GRIA4: variants seen among roughly 807,000 people sequenced by gnomAD.
GRIA4 encodes the protein glutamate ionotropic receptor AMPA type subunit 4.
In GRIA4, 34 loss-of-function variants were observed where a neutral mutation model predicts 104.0. The ratio of observed to expected loss-of-function variants is 0.33; its 90% CI spans 0.25 to 0.44. GRIA4 has a LOEUF of 0.44. GRIA4 is among the 20% of genes least tolerant of loss of function. The pLI, the probability that GRIA4 is intolerant of heterozygous loss-of-function variation, is 1.00. For synonymous variants in GRIA4, 386 were observed against 381.9 expected, an observed-to-expected ratio of 1.01 and a Z score of -0.13; for missense variants, 750 against 1,096.5, an observed-to-expected ratio of 0.68 and a Z score of 4.46.
chr11:105,823,622 T>C (rs540663740), intron 4 of GRIA4, among the ~76,000 whole-genome samples: 37 of 152,188 alleles, frequency 2.4e-4, no homozygotes, highest in Non-Finnish European at 4.9e-4. Context: ...AATTAAATGT[T>C]TCTAAGTCTT....
intron 3 of GRIA4, among the ~76,000 whole-genome samples, chr11:105,694,722 T>A (rs1295293480): frequency 6.6e-6 from 1 of 152,148 alleles, no homozygotes; most frequent in Non-Finnish European, 1.5e-5. Flanking sequence ...CAAACATAAA[T>A]GTTTTTTAGA....
intron 4 of GRIA4, among the ~76,000 whole-genome samples, chr11:105,860,566 T>C (rs192669396): frequency 6.6e-6 from 1 of 152,322 alleles, no homozygotes; most frequent in East Asian, 1.9e-4. Flanking sequence ...AGTGAAAATA[T>C]AACTGACTAA....
chr11:105,789,742 A>G (rs1217458280), intron 4 of GRIA4, among the ~76,000 whole-genome samples: 5 of 152,198 alleles, frequency 3.3e-5, no homozygotes, highest in African/African-American at 7.2e-5. Flanking sequence ...GAAAAACACT[A>G]AAGATAATAT....
intron 3 of GRIA4, among the ~76,000 whole-genome samples, chr11:105,646,642 C>G (rs1249037226): frequency 2.6e-5 from 4 of 152,122 alleles, no homozygotes; most frequent in Non-Finnish European, 5.9e-5. Flanking sequence ...AGACTGCACA[C>G]CTACAATTAT....
At chr11:105,749,085 C>T (rs923568700) in intron 3 of GRIA4, among the ~76,000 whole-genome samples, 5 of 152,238 alleles carry the variant, frequency 3.3e-5, no homozygotes, top group African/African-American at 9.6e-5. Flanking sequence ...CACTAAGAAA[C>T]GCCAAGAGAG....
chr11:105,862,835 T>A (rs1945276163), intron 5 of GRIA4, among the ~76,000 whole-genome samples: 1 of 152,198 alleles, frequency 6.6e-6, no homozygotes, highest in African/African-American at 2.4e-5. Context: ...CAGGAAAAGA[T>A]TAAACTGAGC....
chr11:105,908,101 C>T (rs1471493128), intron 9 of GRIA4, among the ~76,000 whole-genome samples: 2 of 152,280 alleles, frequency 1.3e-5, no homozygotes, highest in East Asian at 3.9e-4. Flanking sequence ...ACAGGAGCTC[C>T]TCACAGCCGC....
chr11:105,629,551 T>G lies in GRIA4; in HGVS notation c.247+17117T>G, dbSNP rs1332350999. Among the ~76,000 whole-genome samples, 3 of 152,154 alleles carry G rather than the reference T, an allele frequency of 2.0e-5. No individual in the cohort carries two copies. In the East Asian group the frequency reaches 5.8e-4, roughly 29 times the overall value. ...GACTGAAAAAGACTATACTCAAATG[T>G]TGATAGTGATTATTTTTCTTTTGTG... On this transcript the variant is annotated intron_variant, in intron 3 of 16. Transcript: ENST00000282499.
intron 4 of GRIA4, among the ~76,000 whole-genome samples, chr11:105,761,785 T>C (rs1451896470): frequency 1.3e-5 from 2 of 152,248 alleles, no homozygotes; most frequent in Non-Finnish European, 2.9e-5. Flanking sequence ...TTACACTTTA[T>C]ACAAAGACAG....
At chr11:105,629,821 A>G (rs1277683707) in intron 3 of GRIA4, among the ~76,000 whole-genome samples, 1 of 152,158 alleles carries the variant, frequency 6.6e-6, no homozygotes, top group Admixed American at 6.5e-5. Context: ...GGTAATTGCC[A>G]TGTTTGATCT....
chr11:105,730,013 T>C (rs1363242261), intron 3 of GRIA4, among the ~76,000 whole-genome samples: 1 of 152,180 alleles, frequency 6.6e-6, no homozygotes, highest in African/African-American at 2.4e-5. Flanking sequence ...CAACATAGTA[T>C]TGGAAGTTCT....
At chr11:105,612,245 G>A (rs1386789707) in intron 2 of GRIA4, 31 bp from the exon 3 acceptor site, 3 of 1,608,540 alleles carry the variant, frequency 1.9e-6, no homozygotes, top group Non-Finnish European at 2.6e-6. Context: ...AGAGGAAACA[G>A]TGAATGTGCT....
At chr11:105,624,887 C>A (rs1188014253) in intron 3 of GRIA4, among the ~76,000 whole-genome samples, 1 of 151,910 alleles carries the variant, frequency 6.6e-6, no homozygotes, top group East Asian at 1.9e-4. Context: ...TTTGATTTTT[C>A]TAAAATCATA....
intron 4 of GRIA4, among the ~76,000 whole-genome samples, chr11:105,760,589 G>A (rs1277897385): frequency 6.6e-6 from 1 of 152,028 alleles, no homozygotes; most frequent in Admixed American, 6.6e-5. Flanking sequence ...CTGTTTTCTG[G>A]ATGAGTTTGC....
At chr11:105,812,897 C>A (rs1318584501) in intron 4 of GRIA4, among the ~76,000 whole-genome samples, 1 of 151,856 alleles carries the variant, frequency 6.6e-6, no homozygotes, top group African/African-American at 2.4e-5. Context: ...GTCAGGAGAT[C>A]GAGACCATCC....
chr11:105,909,808 A>C (rs1947167364), intron 9 of GRIA4, among the ~76,000 whole-genome samples: 5 of 152,142 alleles, frequency 3.3e-5, no homozygotes, highest in Admixed American at 3.3e-4. Flanking sequence ...TTGACTTCTA[A>C]ATAAAAAAAA....
chr11:105,811,386 C>G (rs1943166670), intron 4 of GRIA4, among the ~76,000 whole-genome samples: 1 of 152,010 alleles, frequency 6.6e-6, no homozygotes, highest in African/African-American at 2.4e-5. Flanking sequence ...TTTCTCTCAC[C>G]CCATCTCCCA....
chr11:105,744,526 C>A (rs368872714), intron 3 of GRIA4, among the ~76,000 whole-genome samples: 4 of 152,078 alleles, frequency 2.6e-5, no homozygotes, highest in Non-Finnish European at 5.9e-5. Flanking sequence ...AGTACTAATA[C>A]GGAGTGGTAA....
chr11:105,906,838 T>C (rs1432164816), intron 9 of GRIA4, among the ~76,000 whole-genome samples: 1 of 152,044 alleles, frequency 6.6e-6, no homozygotes, highest in African/African-American at 2.4e-5. Context: ...AAGAGGCAAG[T>C]TTTCATTAGA....
Sources: allele counts gnomAD v4.1 joint callset (sites outside exome capture counted in the v4.1 genomes callset), GRCh38; gene constraint gnomAD v4.1.1; transcripts MANE v1.5; gene names NCBI Gene and HGNC (gene_info 2026-07-23, HGNC 2026-07-21).